The following PARD3B variants were observed in gnomAD, a reference collection of about 807,000 sequenced individuals.
The protein encoded by PARD3B is par-3 family cell polarity regulator beta.
PARD3B carries 103 observed loss-of-function variants against 130.2 expected under a neutral mutation model. The observed-to-expected ratio is 0.79, with a 90% CI of 0.67 to 0.93. PARD3B has a LOEUF of 0.93. PARD3B is among the 40% of genes least tolerant of loss of function. The probability of loss-of-function intolerance (pLI) is 0.00; values close to 1 mark genes in which losing one functional copy is unlikely to be tolerated. For synonymous variants in PARD3B, 583 were observed against 553.2 expected, an observed-to-expected ratio of 1.05 and a Z score of -0.76; for missense variants, 1,609 against 1,499.2, an observed-to-expected ratio of 1.07 and a Z score of -1.21.
chr2:205,439,288 C>A (rs907003834), intron 19 of PARD3B, among the ~76,000 whole-genome samples: 32 of 152,228 alleles, frequency 2.1e-4, no homozygotes, highest in Admixed American at 1.2e-3. Flanking sequence ...CCCAGGACAT[C>A]AAGTTTGTCC....
chr2:205,578,691 T>C (rs750243134), intron 22 of PARD3B, among the ~76,000 whole-genome samples: 44 of 152,234 alleles, frequency 2.9e-4, no homozygotes, highest in Non-Finnish European at 5.6e-4. Flanking sequence ...CTGACCATGA[T>C]ATATCCAGAT....
chr2:205,178,210 C>A (rs2035586554), intron 13 of PARD3B, among the ~76,000 whole-genome samples: 1 of 98,934 alleles, frequency 1.0e-5, no homozygotes, highest in East Asian at 2.7e-4. Flanking sequence ...TGCCTGTAAT[C>A]CCAGCTACTA....
chr2:204,998,337 T>TAC (rs58418098), intron 3 of PARD3B, among the ~76,000 whole-genome samples: 8,540 of 42,290 alleles, frequency 0.2, 738 homozygotes, highest in East Asian at 0.22. Flanking sequence ...TATATATATA[T>TAC]ATATATATAT....
At position 204,739,170 on chromosome 2, in the gene PARD3B, C is replaced by T. The variant is rs554408832; in HGVS notation, c.222+52888C>T. ...TTGTATGTGTTACTTCACTGTACCTCAGCATCTGTCAACTTATTTAAATGT... is the reference window on the plus strand; with the variant it reads ...TTGTATGTGTTACTTCACTGTACCTTAGCATCTGTCAACTTATTTAAATGT... On this transcript the variant is annotated intron_variant, in intron 2 of 22. Coordinates refer to ENST00000406610, the MANE Select transcript of PARD3B (RefSeq NM_001302769.2). Among the ~76,000 whole-genome samples, 15 of 152,284 alleles carry T rather than the reference C, an allele frequency of 9.9e-5. No homozygotes were observed. In the South Asian group the frequency reaches 2.7e-3, roughly 27 times the overall value.
intron 2 of PARD3B, among the ~76,000 whole-genome samples, chr2:204,773,486 G>A (rs1015602955): frequency 3.3e-5 from 5 of 151,452 alleles, no homozygotes; most frequent in African/African-American, 1.2e-4. Context: ...CATTTCAATG[G>A]GAATAGTCAT....
At chr2:204,763,494 G>T (rs534301374) in intron 2 of PARD3B, among the ~76,000 whole-genome samples, 3 of 151,896 alleles carry the variant, frequency 2.0e-5, no homozygotes, top group African/African-American at 7.3e-5. Flanking sequence ...ATTTTTTTCC[G>T]AAGAGCTACT....
At chr2:205,337,940 G>T (rs2043373657) in intron 18 of PARD3B, among the ~76,000 whole-genome samples, 1 of 152,024 alleles carries the variant, frequency 6.6e-6, no homozygotes, top group African/African-American at 2.4e-5. Flanking sequence ...ACCAGGTCAA[G>T]AGTTCAAGAC....
chr2:204,928,681 A>C (rs1227468029), intron 2 of PARD3B, among the ~76,000 whole-genome samples: 2 of 151,996 alleles, frequency 1.3e-5, no homozygotes, highest in Non-Finnish European at 2.9e-5. Flanking sequence ...TGCAGAAGGG[A>C]GAAAAAAACA....
chr2:204,846,434 A>G (rs2044465237), intron 2 of PARD3B, among the ~76,000 whole-genome samples: 1 of 152,068 alleles, frequency 6.6e-6, no homozygotes, highest in African/African-American at 2.4e-5. Context: ...TGTACACTGC[A>G]GAATTGTAAT....
intron 4 of PARD3B, among the ~76,000 whole-genome samples, chr2:205,081,790 T>C (rs1701425032): frequency 6.6e-6 from 1 of 152,158 alleles, no homozygotes; most frequent in African/African-American, 2.4e-5. Context: ...TACTAACAGT[T>C]GATTAAATAT....
rs2048804327 is a variant in PARD3B, at chr2:205,470,943, T to G, written c.3045-28953T>G. On this transcript the variant is annotated intron_variant, in intron 20 of 22. Transcript: ENST00000406610. The surrounding 1 kb of genome is among the most constrained non-coding windows in gnomAD (Gnocchi z 4.8). ...CGTGTGTTTCAAGTTTAAAACAAAGTGAGTTTTCAAGCCCAGGAATGATGT... is the reference window on the plus strand; with the variant it reads ...CGTGTGTTTCAAGTTTAAAACAAAGGGAGTTTTCAAGCCCAGGAATGATGT... Among the ~76,000 whole-genome samples, 1 of 152,174 alleles carries G rather than the reference T, an allele frequency of 6.6e-6. No homozygotes were observed. The highest frequency in any genetic ancestry group is 2.1e-4 in the South Asian group (1 of 4,830).
chr2:205,276,210 AT>A lies in PARD3B; in HGVS notation c.2186-24319del, dbSNP rs1384261535. On this transcript the variant is annotated intron_variant, in intron 16 of 22. Coordinates refer to ENST00000406610, the MANE Select transcript of PARD3B (RefSeq NM_001302769.2). The surrounding 1 kb of genome is among the most constrained non-coding windows in gnomAD (Gnocchi z 5.0). ...AGAAACAGGGGAAGTAGAAATGTGGATGGGAAGAGCATTTAGCAGTCTCATC... is the reference window on the plus strand; with the variant it reads ...AGAAACAGGGGAAGTAGAAATGTGGAGGGAAGAGCATTTAGCAGTCTCATC... 6.6e-6 allele frequency among the ~76,000 whole-genome samples: 1 copy of A among 152,214 alleles called. No homozygotes were observed. The highest frequency in any genetic ancestry group is 1.5e-5 in the Non-Finnish European group (1 of 68,034).
intron 2 of PARD3B, among the ~76,000 whole-genome samples, chr2:204,693,650 A>G (rs1003039697): frequency 6.6e-6 from 1 of 152,054 alleles, no homozygotes; most frequent in Non-Finnish European, 1.5e-5. Context: ...TGTATACTGC[A>G]TCAAGTCCAA....
chr2:204,835,791 A>G (rs903848560), intron 2 of PARD3B, among the ~76,000 whole-genome samples: 2 of 152,252 alleles, frequency 1.3e-5, no homozygotes, highest in Non-Finnish European at 2.9e-5. Flanking sequence ...GAGTTGTTCA[A>G]GACTTCATTA....
chr2:204,904,774 A>T (rs2046987740), intron 2 of PARD3B, among the ~76,000 whole-genome samples: 1 of 152,038 alleles, frequency 6.6e-6, no homozygotes, highest in Non-Finnish European at 1.5e-5. Context: ...TTTTTATTTT[A>T]AAAAGGACAT....
chr2:205,237,491 T>C (rs972241266), intron 15 of PARD3B, among the ~76,000 whole-genome samples: 2 of 152,260 alleles, frequency 1.3e-5, no homozygotes, highest in African/African-American at 4.8e-5. Context: ...TCTTGGCCTT[T>C]TTCTGAAATT....
At chr2:205,574,450 T>C (rs970705174) in intron 22 of PARD3B, among the ~76,000 whole-genome samples, 2 of 152,204 alleles carry the variant, frequency 1.3e-5, no homozygotes, top group African/African-American at 4.8e-5. Context: ...AGCATTGTTA[T>C]CCACGGGCTG....
intron 1 of PARD3B, among the ~76,000 whole-genome samples, chr2:204,626,995 C>G (rs980562101): frequency 6.6e-6 from 1 of 152,070 alleles, no homozygotes; most frequent in African/African-American, 2.4e-5. Flanking sequence ...TGGATCACAG[C>G]GATGGTTTCC....
At chr2:205,390,016 C>A (rs1489330493) in intron 18 of PARD3B, among the ~76,000 whole-genome samples, 1 of 152,094 alleles carries the variant, frequency 6.6e-6, no homozygotes, top group Non-Finnish European at 1.5e-5. Context: ...AAGTTGAGAG[C>A]TTTCACCTTT....
Sources: gnomAD v4.1 joint callset for allele counts (sites outside exome capture counted in the v4.1 genomes callset) on GRCh38, gnomAD v4.1.1 for gene constraint, Gnocchi (gnomAD v3.1) non-coding constraint, MANE v1.5 for transcripts, NCBI Gene and HGNC (gene_info 2026-07-23, HGNC 2026-07-21) for gene names.